NPAS2: variants seen among roughly 807,000 people sequenced by gnomAD.
The protein encoded by NPAS2 is neuronal PAS domain-containing protein 2.
A neutral mutation model predicts 107.5 loss-of-function variants in NPAS2; 23 were observed. That is an observed-to-expected ratio of 0.21 (90% CI 0.15 to 0.30). The LOEUF (loss-of-function observed/expected upper bound fraction) is 0.30. Among genes scored for constraint, NPAS2 ranks in the 10% least tolerant of loss-of-function variants. The pLI, the probability that NPAS2 is intolerant of heterozygous loss-of-function variation, is 1.00. For missense variants in NPAS2, 756 were observed against 1,043.3 expected (o/e 0.72, Z 3.79); for synonymous variants, 403 against 417.5 (o/e 0.97, Z 0.42).
chr2:100,832,316 A>G (rs141160030), intron 1 of NPAS2, among the ~76,000 whole-genome samples: 3 of 152,208 alleles, frequency 2.0e-5, no homozygotes, highest in African/African-American at 7.2e-5. Context: ...CAGGTCATTC[A>G]TCATCCTTGT....
chr2:100,930,118 A>G (rs1217657903), intron 3 of NPAS2, among the ~76,000 whole-genome samples: 1 of 152,206 alleles, frequency 6.6e-6, no homozygotes, highest in Non-Finnish European at 1.5e-5. Context: ...ATCTACATCC[A>G]TCTAGATGTT....
intron 5 of NPAS2, among the ~76,000 whole-genome samples, chr2:100,946,715 A>G (rs1223650934): frequency 6.6e-6 from 1 of 152,180 alleles, no homozygotes; most frequent in Non-Finnish European, 1.5e-5. Flanking sequence ...ACTAAAGTGG[A>G]TGTGGGAAGA....
chr2:100,847,195 A>T (rs1023567658), intron 1 of NPAS2: 1 of 152,228 alleles, frequency 6.6e-6, no homozygotes, highest in Non-Finnish European at 1.5e-5. Context: ...AAAAATAAAC[A>T]GGGAGGATGA....
intron 1 of NPAS2, among the ~76,000 whole-genome samples, chr2:100,878,825 A>G (rs1680148151): frequency 6.6e-6 from 1 of 152,218 alleles, no homozygotes; most frequent in Non-Finnish European, 1.5e-5. Context: ...TATTTAAAAG[A>G]AAATGCCTTC....
At chr2:100,865,336 G>GCTGCATGTTCAACCTTCCC (rs770339809) in intron 1 of NPAS2, among the ~76,000 whole-genome samples, 8 of 152,142 alleles carry the variant, frequency 5.3e-5, no homozygotes, top group Non-Finnish European at 8.8e-5. Flanking sequence ...TGCTCCTTTG[G>GCTGCATGTTCAACCTTCCC]ATGCATGTTC....
chr2:100,865,980 A>G (rs901039772), intron 1 of NPAS2, among the ~76,000 whole-genome samples: 33 of 152,012 alleles, frequency 2.2e-4, no homozygotes, highest in Admixed American at 2.2e-3. Context: ...CCTGGACCCA[A>G]CCCTCAGCCT....
chr2:100,962,623 A>G (rs915027316), intron 7 of NPAS2: 2 of 152,242 alleles, frequency 1.3e-5, no homozygotes, highest in Non-Finnish European at 2.9e-5. Context: ...CAGGGTCCCA[A>G]GGGAACCCCA....
chr2:100,944,311 G>A (rs747499608), intron 5 of NPAS2, among the ~76,000 whole-genome samples: 2 of 152,140 alleles, frequency 1.3e-5, no homozygotes, highest in East Asian at 1.9e-4. Context: ...GGGAGGAAGT[G>A]TCCATCCAGC....
intron 1 of NPAS2, among the ~76,000 whole-genome samples, chr2:100,894,376 G>A (rs1257692328): frequency 2.0e-5 from 3 of 152,124 alleles, no homozygotes; most frequent in African/African-American, 4.8e-5. Flanking sequence ...AGTTATGAGC[G>A]GCTCAGGGTC....
intron 1 of NPAS2, among the ~76,000 whole-genome samples, chr2:100,859,786 T>A (rs1446750568): frequency 1.3e-5 from 2 of 152,198 alleles, no homozygotes; most frequent in Non-Finnish European, 2.9e-5. Flanking sequence ...TGGTGTTAAC[T>A]TTTTATTTAG....
chr2:100,966,753 G>C (rs1019069472), intron 10 of NPAS2, among the ~76,000 whole-genome samples: 1 of 151,898 alleles, frequency 6.6e-6, no homozygotes, highest in South Asian at 2.1e-4. Flanking sequence ...GTGCCACCAC[G>C]CCCAGCTAAT....
intron 1 of NPAS2, among the ~76,000 whole-genome samples, chr2:100,897,160 T>C (rs1239235214): frequency 2.0e-5 from 3 of 152,060 alleles, no homozygotes; most frequent in African/African-American, 7.3e-5. Context: ...TGAGGGTAAC[T>C]GCCCCCATGA....
At chr2:100,919,153 A>G (rs938723420) in intron 2 of NPAS2, among the ~76,000 whole-genome samples, 1 of 152,230 alleles carries the variant, frequency 6.6e-6, no homozygotes, top group Non-Finnish European at 1.5e-5. Context: ...TACATGCTAT[A>G]GGATTATACT....
At position 100,925,214 on chromosome 2, in the gene NPAS2, C is replaced by G. The variant is rs140186927; in HGVS notation, c.101C>G (p.Ser34Cys). 10 of 1,614,018 alleles carry G rather than the reference C, an allele frequency of 6.2e-6. No individual in the cohort carries two copies. The highest frequency in any genetic ancestry group is 7.6e-6 in the Non-Finnish European group (9 of 1,180,018). Reference protein sequence around the residue: ...QFNVLIKELSSMLPGNTRKMD... With the variant: ...QFNVLIKELSCMLPGNTRKMD... Reference sequence around the variant, plus strand: ...AATGTTCTCATCAAAGAGCTCAGTTCCATGCTCCCTGGCAACACGCGGAAA... The same window carrying G: ...AATGTTCTCATCAAAGAGCTCAGTTGCATGCTCCCTGGCAACACGCGGAAA... The change falls in exon 3 of 21, where the codon TCC becomes TGC. Residue 34 changes from serine to cysteine, a missense_variant. Around this residue, in one of 4 missense-constraint regions of NPAS2, gnomAD observed 146 missense variants for 249.6 expected, o/e 0.58. Transcript: ENST00000335681.
At chr2:100,867,317 A>G (rs1031434003) in intron 1 of NPAS2, among the ~76,000 whole-genome samples, 3 of 152,188 alleles carry the variant, frequency 2.0e-5, no homozygotes, top group Non-Finnish European at 4.4e-5. Context: ...TCTTTGAGGT[A>G]TGGTGCTTTT....
chr2:100,838,497 C>T (rs576972782), intron 1 of NPAS2, among the ~76,000 whole-genome samples: 1 of 152,194 alleles, frequency 6.6e-6, no homozygotes, highest in South Asian at 2.1e-4. Flanking sequence ...AGGCTGGTCT[C>T]GAATTCCTGA....
chr2:100,907,698 T>G (rs1682254080), intron 2 of NPAS2, among the ~76,000 whole-genome samples: 1 of 152,172 alleles, frequency 6.6e-6, no homozygotes, highest in African/African-American at 2.4e-5. Context: ...AAACATGCTT[T>G]GTGTTAGGCA....
At chr2:100,975,733 A>G in intron 14 of NPAS2, 166 bp downstream of exon 14, 1 of 518,832 alleles carries the variant, frequency 1.9e-6, no homozygotes, top group East Asian at 3.5e-5. Context: ...ATTGGCAACT[A>G]ATTTTAAACA....
chr2:100,944,422 TAGG>T (rs918713755), intron 5 of NPAS2, among the ~76,000 whole-genome samples: 1 of 152,056 alleles, frequency 6.6e-6, no homozygotes, highest in Non-Finnish European at 1.5e-5. Context: ...GTCAGGCAAT[TAGG>T]AGAGAGGACT....
Sources: allele counts gnomAD v4.1 joint callset (sites outside exome capture counted in the v4.1 genomes callset), GRCh38; gene constraint gnomAD v4.1.1; regional missense constraint gnomAD v4.1.1; transcripts MANE v1.5; gene names NCBI Gene and HGNC (gene_info 2026-07-23, HGNC 2026-07-21).